The following TMEM214 variants were observed in gnomAD, a reference collection of about 807,000 sequenced individuals.
The protein encoded by TMEM214 is transmembrane protein 214.
TMEM214 carries 71 observed loss-of-function variants against 89.8 expected under a neutral mutation model. The ratio of observed to expected loss-of-function variants is 0.79; its 90% CI spans 0.65 to 0.96. TMEM214 has a LOEUF of 0.96. TMEM214 is among the 40% of genes least tolerant of loss of function. The probability of loss-of-function intolerance (pLI) is 0.00; values close to 1 mark genes in which losing one functional copy is unlikely to be tolerated. For synonymous variants in TMEM214, 332 were observed against 349.5 expected (o/e 0.95, Z 0.56); for missense variants, 754 against 843.4 (o/e 0.89, Z 1.31).
At chr2:27,037,378 G>A (rs552778618) in intron 8 of TMEM214, among the ~76,000 whole-genome samples, 183 bp from the exon 9 acceptor site, 1 of 152,112 alleles carries the variant, frequency 6.6e-6, no homozygotes, top group South Asian at 2.1e-4. Flanking sequence ...ATTTTCTTAG[G>A]GATAGGGTCC....
At chr2:27,039,303 G>A in intron 13 of TMEM214, 139 bp downstream of exon 13, 1 of 708,372 alleles carries the variant, frequency 1.4e-6, no homozygotes, top group Non-Finnish European at 2.4e-6. Flanking sequence ...TTTACAGACA[G>A]ATTTTTTTGT....
Position 27,039,848 on chromosome 2 carries a change from C to A in TMEM214, c.1622+11C>A. 6.2e-7 allele frequency: 1 copy of A among 1,613,958 alleles called. No individual in the cohort carries two copies. Among genetic ancestry groups the A allele is most frequent in the Non-Finnish European group, 8.5e-7 (1 of 1,179,882 alleles). ...TCTGCAAGGCTACAGGTGAGCTCCTCCCAGGGAGGGGAGAGGAGAGGCAGA... is the reference window on the plus strand; with the variant it reads ...TCTGCAAGGCTACAGGTGAGCTCCTACCAGGGAGGGGAGAGGAGAGGCAGA... On this transcript the variant is annotated intron_variant, in intron 14 of 16. Transcript: ENST00000238788.
chr2:27,040,072 CA>C lies in TMEM214; in HGVS notation c.1666del (p.Thr556ProfsTer51). The C allele has an allele frequency of 6.2e-7, 1 of 1,608,668 alleles. No individual in the cohort carries two copies. On this transcript the variant is annotated frameshift_variant, in exon 15 of 17. Coordinates refer to ENST00000238788, the MANE Select transcript of TMEM214 (RefSeq NM_017727.5). LOFTEE classifies it high-confidence loss of function. Reference protein sequence around the residue: ...TLPLWGSHLLTVVRPSLQLAW... With the variant: ...TLPLWGSHLLXVVRPSLQLAW... Reference sequence around the variant, plus strand: ...TGCCGCTCTGGGGCTCCCACCTGCTCACCGTGGTGCGGCCCAGCTTGCAGCT... The same window carrying C: ...TGCCGCTCTGGGGCTCCCACCTGCTCCCGTGGTGCGGCCCAGCTTGCAGCT...
Position 27,038,985 on chromosome 2 carries a change from C to T in TMEM214, c.1408-62C>T. On this transcript the variant is annotated intron_variant, in intron 12 of 16. Transcript: ENST00000238788. This position sits in a 1 kb window ranked among gnomAD's most constrained non-coding sequence, Gnocchi z 4.4. Reference sequence around the variant, plus strand: ...TCGGGAAGGCCTGGCTTGAGGTCTGCCCTCAGAGGCAAAGACCAGCCCCTC... The same window carrying T: ...TCGGGAAGGCCTGGCTTGAGGTCTGTCCTCAGAGGCAAAGACCAGCCCCTC... 1.3e-6 allele frequency: 2 copies of T among 1,564,126 alleles called. No individual in the cohort carries two copies. The highest frequency in any genetic ancestry group is 1.1e-5 in the South Asian group (1 of 90,012).
Position 27,036,701 on chromosome 2 carries a change from G to T in TMEM214, c.827-4G>T, listed in dbSNP as rs1475168362. The T allele has an allele frequency of 6.2e-7, 1 of 1,614,182 alleles. No homozygotes were observed. Among genetic ancestry groups the T allele is most frequent in the East Asian group, 2.2e-5 (1 of 44,884 alleles). ...GGCCTCCCTCGTGACTTTTACCCCT[G>T]CAGTGTGGCTGGGGATCATGCTGCC... is the stretch of plus-strand genomic sequence containing the variant. On this transcript the variant is annotated splice_polypyrimidine_tract_variant and splice_region_variant and intron_variant, in intron 6 of 16. Transcript: ENST00000238788.
rs145876597 is a variant in TMEM214 at position 27,040,368 on chromosome 2, C to T, written c.1815C>T (p.Ser605=). The part of the protein sequence containing the change: ...SQRLQIQLPD[S]VNQLLRYLRE... ...AGCTACAGATCCAGCTCCCCGATTC[C>T]GTGAATCAGCTACTCCGCTATCTGA... The change falls in exon 16 of 17, where the codon TCC becomes TCT. Residue 605 remains serine (S), a synonymous_variant. Transcript: ENST00000238788. The T allele has an allele frequency of 1.3e-5, 21 of 1,614,232 alleles. No individual in the cohort carries two copies. Among genetic ancestry groups the T allele is most frequent in the Middle Eastern group, 1.6e-4 (1 of 6,062 alleles).
rs373399208 is a variant in TMEM214, at chr2:27,035,114, T to C, written c.352-21T>C. The C allele has an allele frequency of 4.2e-5, 68 of 1,612,294 alleles. No individual in the cohort carries two copies. The African/African-American group carries it at 8.2e-4, about 19-fold the overall frequency. On this transcript the variant is annotated intron_variant, in intron 2 of 16. Coordinates refer to ENST00000238788, the MANE Select transcript of TMEM214 (RefSeq NM_017727.5). ...ACTCACAACTCGCCATGGTGGGGGG[T>C]TGGGGGATTGTCCCTGGCAGCTGGA...
chr2:27,033,009 G>A lies in TMEM214; in HGVS notation c.-7G>A, dbSNP rs1039311893. On this transcript the variant is annotated 5_prime_UTR_variant, in exon 1 of 17. Transcript: ENST00000238788. Reference sequence around the variant, plus strand: ...GGGAAGTGGCCGAGGAGGGAGGGCTGCGAGCCATGGCGACCAAGACGGCGG... The same window carrying A: ...GGGAAGTGGCCGAGGAGGGAGGGCTACGAGCCATGGCGACCAAGACGGCGG... The A allele has an allele frequency of 8.0e-7, 1 of 1,246,354 alleles. No homozygotes were observed. Among genetic ancestry groups the A allele is most frequent in the Non-Finnish European group, 1.0e-6 (1 of 987,766 alleles). The allele number at this position is 1,246,354 out of a possible 1,614,324, so 77.2% of individuals were successfully genotyped here.
Position 27,037,018 on chromosome 2 carries a change from G to A in TMEM214, c.909-59G>A, listed in dbSNP as rs77748016. On this transcript the variant is annotated intron_variant, in intron 7 of 16. Transcript: ENST00000238788. The stretch of plus-strand genomic sequence containing the variant: ...TAGATGTTGGCTTAGCTGGGGTCAT[G>A]GCCAAAACAGCTGGCATGGGTGGTG... 355 of 1,505,960 alleles carry A rather than the reference G, an allele frequency of 2.4e-4. 2 individuals are homozygous for A. In the East Asian group the frequency reaches 7.4e-3, roughly 31 times the overall value. 93.3% of individuals were successfully genotyped at this position (1,505,960 alleles called of 1,614,324 possible). A position where few individuals can be genotyped will look rare whatever the true frequency, so the allele number is the denominator to read the frequency against.
Position 27,038,803 on chromosome 2 carries a change from C to T in TMEM214, c.1395C>T (p.Asp465=). ...ACAACCAGGATGTCGTCACCTGTGA[C>T]ATGGCCTGCAAGGTGCTGGCACCCG... ...SSNNQDVVTC[D]MACKGLLQQV... The change falls in exon 12 of 17, where the codon GAC becomes GAT. Residue 465 remains aspartate (D), a synonymous_variant. Coordinates refer to ENST00000238788, the MANE Select transcript of TMEM214 (RefSeq NM_017727.5). The surrounding 1 kb of genome is among the most constrained non-coding windows in gnomAD (Gnocchi z 4.4). 1.2e-6 allele frequency: 2 copies of T among 1,614,002 alleles called. No homozygotes were observed. The highest frequency in any genetic ancestry group is 8.5e-7 in the Non-Finnish European group (1 of 1,179,882).
chr2:27,041,097 G>A lies in TMEM214; in HGVS notation c.*260G>A, dbSNP rs1285838782. ...GGCCCCCAGCCTCCATCCTTGTGCT[G>A]GTAGCCTCTCACAACTCCGCCCTTG... On this transcript the variant is annotated 3_prime_UTR_variant, in exon 17 of 17. Coordinates refer to ENST00000238788, the MANE Select transcript of TMEM214 (RefSeq NM_017727.5). 1 of 438,064 alleles carries A rather than the reference G, an allele frequency of 2.3e-6. No homozygotes were observed. The allele number at this position is 438,064 out of a possible 1,614,324, so 27.1% of individuals were successfully genotyped here.
At position 27,036,703 on chromosome 2, in the gene TMEM214, A is replaced by G. The variant is rs1420496798; in HGVS notation, c.827-2A>G. The G allele has an allele frequency of 6.2e-7, 1 of 1,614,168 alleles. No homozygotes were observed. The highest frequency in any genetic ancestry group is 8.5e-7 in the Non-Finnish European group (1 of 1,180,012). On this transcript the variant is annotated splice_acceptor_variant, in intron 6 of 16. Transcript: ENST00000238788. LOFTEE classifies it high-confidence loss of function. ...CCTCCCTCGTGACTTTTACCCCTGC[A>G]GTGTGGCTGGGGATCATGCTGCCTG...
In TMEM214 at chr2:27,035,987, T is replaced by G. The variant is rs764752698; in HGVS notation, c.655T>G (p.Tyr219Asp). The G allele has an allele frequency of 1.9e-6, 3 of 1,614,176 alleles. No individual in the cohort carries two copies. The highest frequency in any genetic ancestry group is 2.5e-6 in the Non-Finnish European group (3 of 1,180,030). ...CTCTCCAGGGGAGTCACTACATGGT[T>G]ACCGCATCTGTATCCAGGCCATCCT... ...DKTPGESLHG[Y>D]RICIQAILQD... Residue 219 changes from tyrosine to aspartate, a missense_variant, in exon 5 of 17, where the codon TAC becomes GAC. Tyr to Asp is a radical substitution (Grantham distance 160). Coordinates refer to ENST00000238788, the MANE Select transcript of TMEM214 (RefSeq NM_017727.5).
chr2:27,035,547 G>A (rs1472482052), intron 3 of TMEM214, 47 bp from the exon 4 acceptor site: 2 of 1,609,740 alleles, frequency 1.2e-6, no homozygotes, highest in Admixed American at 3.4e-5. Context: ...TCTCAGAGCT[G>A]ATGGGTGTCT....
rs747756231 is a variant in TMEM214, at chr2:27,038,777, A to T, written c.1369A>T (p.Asn457Tyr). 6.2e-7 allele frequency: 1 copy of T among 1,614,190 alleles called. No individual in the cohort carries two copies. Among genetic ancestry groups the T allele is most frequent in the Non-Finnish European group, 8.5e-7 (1 of 1,180,022 alleles). ...GGAGCTGCTGAGGAAGGGTAGCAGT[A>T]ACAACCAGGATGTCGTCACCTGTGA... ...NQELLRKGSS[N>Y]NQDVVTCDMA... The change falls in exon 12 of 17, where the codon AAC becomes TAC. Residue 457 changes from asparagine to tyrosine, a missense_variant. Physicochemically the swap from Asn to Tyr is moderately radical, Grantham distance 143. Coordinates refer to ENST00000238788, the MANE Select transcript of TMEM214 (RefSeq NM_017727.5). This position sits in a 1 kb window ranked among gnomAD's most constrained non-coding sequence, Gnocchi z 4.4.
At chr2:27,037,238 A>C in intron 8 of TMEM214, 60 bp downstream of exon 8, 2 of 1,338,902 alleles carry the variant, frequency 1.5e-6, no homozygotes, top group Non-Finnish European at 2.1e-6. Context: ...ACCACACTAC[A>C]TATTCCCGTC....
Position 27,038,916 on chromosome 2 carries a change from A to T in TMEM214, c.1407+101A>T. ...TCACATTCCTGCCCCACCTGTCTGG[A>T]GCCCCCCGCTGCCTCCAGGATAATG... On this transcript the variant is annotated intron_variant, in intron 12 of 16. Transcript: ENST00000238788. The surrounding 1 kb of genome is among the most constrained non-coding windows in gnomAD (Gnocchi z 4.4). 2 of 1,415,542 alleles carry T rather than the reference A, an allele frequency of 1.4e-6. No homozygotes were observed. The highest frequency in any genetic ancestry group is 2.0e-6 in the Non-Finnish European group (2 of 1,007,380). 87.7% of individuals were successfully genotyped at this position (1,415,542 alleles called of 1,614,324 possible). A position where few individuals can be genotyped will look rare whatever the true frequency, so the allele number is the denominator to read the frequency against.
chr2:27,037,219 A>G (rs770366328), intron 8 of TMEM214, 41 bp downstream of exon 8: 21 of 1,470,654 alleles, frequency 1.4e-5, no homozygotes, highest in Non-Finnish European at 1.9e-5. Flanking sequence ...AAGGGACCAC[A>G]GCACCAGAAC....
In TMEM214 at chr2:27,036,599, G is replaced by A; in HGVS notation, c.826+7G>A. ...CTCACCGAGGGACTGAAAGGTAACA[G>A]GGAAATAGGGAAGAAAGAGGGAGGG... On this transcript the variant is annotated splice_region_variant and intron_variant, in intron 6 of 16. Transcript: ENST00000238788. 6.2e-7 allele frequency: 1 copy of A among 1,613,984 alleles called. No homozygotes were observed. Among genetic ancestry groups the A allele is most frequent in the South Asian group, 1.1e-5 (1 of 91,072 alleles).
Sources: allele counts gnomAD v4.1 joint callset (sites outside exome capture counted in the v4.1 genomes callset), GRCh38; gene constraint gnomAD v4.1.1; non-coding constraint Gnocchi (gnomAD v3.1); transcripts MANE v1.5; gene names NCBI Gene and HGNC (gene_info 2026-07-23, HGNC 2026-07-21).